Variants in GALNT13 observed in about 807,000 individuals in gnomAD.
The protein encoded by GALNT13 is UDP-GalNAc:polypeptide N-acetylgalactosaminyltransferase 13.
GALNT13 carries 28 observed loss-of-function variants against 64.2 expected under a neutral mutation model. The observed-to-expected ratio is 0.44, with a 90% CI of 0.32 to 0.60. GALNT13 has a LOEUF of 0.60. Among genes scored for constraint, GALNT13 ranks in the 20% least tolerant of loss-of-function variants. GALNT13 has a pLI of 0.05. For synonymous variants in GALNT13, 214 were observed against 224.6 expected (o/e 0.95, Z 0.42); for missense variants, 577 against 669.8 (o/e 0.86, Z 1.53).
the GALNT13 span, among the ~76,000 whole-genome samples, chr2:153,650,159 G>A: frequency 6.6e-6 from 1 of 152,176 alleles, no homozygotes; most frequent in East Asian, 1.9e-4. Flanking sequence ...TGTATTGGGT[G>A]AATATATATT....
chr2:154,203,398 G>C (rs1017732251), intron 4 of GALNT13, among the ~76,000 whole-genome samples: 1 of 152,068 alleles, frequency 6.6e-6, no homozygotes, highest in East Asian at 1.9e-4. Context: ...GGCATCCCCA[G>C]TTGTAACAGA....
intron 4 of GALNT13, among the ~76,000 whole-genome samples, chr2:154,235,683 A>G (rs944859510): frequency 6.6e-6 from 1 of 152,180 alleles, no homozygotes; most frequent in Non-Finnish European, 1.5e-5. Context: ...AAGTCATGCA[A>G]ACTCCAGTGT....
the GALNT13 span, among the ~76,000 whole-genome samples, chr2:153,673,248 A>G: frequency 2.0e-5 from 3 of 152,324 alleles, no homozygotes; most frequent in Middle Eastern, 3.4e-3. Flanking sequence ...TGGCAGAGAC[A>G]CAACAAAAAA....
At chr2:154,428,626 T>C (rs1228446164) in intron 11 of GALNT13, among the ~76,000 whole-genome samples, 1 of 152,238 alleles carries the variant, frequency 6.6e-6, no homozygotes, top group African/African-American at 2.4e-5. Flanking sequence ...ATTGAATGTT[T>C]GTGACAACCC....
intron 9 of GALNT13, among the ~76,000 whole-genome samples, chr2:154,338,576 C>T (rs1269531953): frequency 6.6e-6 from 1 of 151,962 alleles, no homozygotes; most frequent in Non-Finnish European, 1.5e-5. Flanking sequence ...ATGAGGCAGC[C>T]CCACGGTCAG....
chr2:153,259,119 A>G, the GALNT13 span, among the ~76,000 whole-genome samples: 28 of 152,122 alleles, frequency 1.8e-4, no homozygotes, highest in African/African-American at 6.0e-4. Context: ...TGTTGGGAGT[A>G]TGTATATTTA....
At chr2:153,948,307 C>T (rs1322991801) in intron 3 of GALNT13, among the ~76,000 whole-genome samples, 3 of 150,948 alleles carry the variant, frequency 2.0e-5, no homozygotes, top group African/African-American at 7.3e-5. Context: ...AATGAGATTC[C>T]ATCTCACGCC....
the GALNT13 span, among the ~76,000 whole-genome samples, chr2:153,541,374 G>T: frequency 6.6e-6 from 1 of 152,026 alleles, no homozygotes; most frequent in African/African-American, 2.4e-5. Context: ...ATAAATTACC[G>T]AGTCTCAGAC....
intron 3 of GALNT13, among the ~76,000 whole-genome samples, chr2:154,037,829 G>A (rs770064478): frequency 2.6e-5 from 4 of 152,088 alleles, no homozygotes; most frequent in Admixed American, 6.6e-5. Flanking sequence ...ACAATTAAAA[G>A]TATAAAACAC....
the GALNT13 span, among the ~76,000 whole-genome samples, chr2:153,170,352 T>C: frequency 1.3e-5 from 2 of 152,200 alleles, no homozygotes; most frequent in Admixed American, 1.3e-4. Flanking sequence ...AGCCACATCT[T>C]GTTAAGATTT....
At chr2:153,171,698 G>A in the GALNT13 span, among the ~76,000 whole-genome samples, 1 of 152,284 alleles carries the variant, frequency 6.6e-6, no homozygotes, top group South Asian at 2.1e-4. Context: ...TGGCAAGGCA[G>A]AAAGAAGTAA....
At chr2:153,509,664 CTG>C in the GALNT13 span, among the ~76,000 whole-genome samples, 1 of 152,180 alleles carries the variant, frequency 6.6e-6, no homozygotes, top group Non-Finnish European at 1.5e-5. Flanking sequence ...ATTTAACTCT[CTG>C]TGTATGTGTG....
At chr2:153,825,814 T>C in the GALNT13 span, among the ~76,000 whole-genome samples, 5 of 152,114 alleles carry the variant, frequency 3.3e-5, no homozygotes, top group Admixed American at 6.5e-5. Flanking sequence ...AGATAACATA[T>C]TCTACACTGC....
the GALNT13 span, among the ~76,000 whole-genome samples, chr2:153,467,138 G>T: frequency 6.6e-6 from 1 of 151,960 alleles, no homozygotes; most frequent in Non-Finnish European, 1.5e-5. Context: ...TAAGCAACAT[G>T]ATATATGTGA....
chr2:153,803,984 C>T, the GALNT13 span, among the ~76,000 whole-genome samples: 2 of 152,118 alleles, frequency 1.3e-5, no homozygotes, highest in African/African-American at 2.4e-5. Context: ...TTTCATCCCT[C>T]GAACATTTAA....
the GALNT13 span, among the ~76,000 whole-genome samples, chr2:153,105,186 G>T: frequency 6.6e-6 from 1 of 151,408 alleles, no homozygotes; most frequent in African/African-American, 2.4e-5. Context: ...GATCAAGTGG[G>T]CTTCATCCCT....
chr2:153,557,522 T>C, the GALNT13 span, among the ~76,000 whole-genome samples: 2 of 152,296 alleles, frequency 1.3e-5, no homozygotes, highest in South Asian at 2.1e-4. Flanking sequence ...CAACCTTCTA[T>C]TCACCTGAGG....
chr2:153,284,684 G>A, the GALNT13 span, among the ~76,000 whole-genome samples: 195 of 152,152 alleles, frequency 1.3e-3, no homozygotes, highest in African/African-American at 3.4e-3. Flanking sequence ...TCTCATATCC[G>A]GGGGAATCAC....
chr2:153,373,154 G>C, the GALNT13 span, among the ~76,000 whole-genome samples: 1 of 151,926 alleles, frequency 6.6e-6, no homozygotes, highest in South Asian at 2.1e-4. Flanking sequence ...GTGTGTGTGT[G>C]TGTGTGCACG....
Sources: gnomAD v4.1 joint callset for allele counts (sites outside exome capture counted in the v4.1 genomes callset) on GRCh38, gnomAD v4.1.1 for gene constraint, MANE v1.5 for transcripts, NCBI Gene and HGNC (gene_info 2026-07-23, HGNC 2026-07-21) for gene names.